Variants in DNAJC8 observed in about 807,000 individuals in gnomAD.
DNAJC8 encodes DnaJ heat shock protein family (Hsp40) member C8, also known as dnaJ homolog subfamily C member 8.
DNAJC8 carries 24 observed loss-of-function variants against 43.2 expected under a neutral mutation model. That is an observed-to-expected ratio of 0.56 (90% CI 0.40 to 0.78). DNAJC8 has a LOEUF of 0.78. Ranked by LOEUF, DNAJC8 falls within the 30% of genes least tolerant of loss-of-function variation. The pLI is 0.00. For synonymous variants in DNAJC8, 83 were observed against 98.0 expected (o/e 0.85, Z 0.90); for missense variants, 207 against 299.4 (o/e 0.69, Z 2.28).
intron 2 of DNAJC8, among the ~76,000 whole-genome samples, chr1:28,218,730 A>G (rs1158756911): frequency 1.3e-5 from 2 of 151,208 alleles, no homozygotes; most frequent in African/African-American, 4.9e-5. Context: ...ACATGGAGAA[A>G]CCCCGTCTCT....
chr1:28,215,091 T>C, intron 2 of DNAJC8, 95 bp from the exon 3 acceptor site: 1 of 999,064 alleles, frequency 1.0e-6, no homozygotes, highest in Non-Finnish European at 1.5e-6. Flanking sequence ...ATAATCAGCA[T>C]CTAGAATAGT....
intron 8 of DNAJC8, 59 bp downstream of exon 8, chr1:28,203,688 C>T (rs1646751342): frequency 3.2e-6 from 5 of 1,567,462 alleles, no homozygotes; most frequent in Non-Finnish European, 3.5e-6. Flanking sequence ...CTGGGAGCGC[C>T]ACAGGAACCA....
intron 1 of DNAJC8, among the ~76,000 whole-genome samples, chr1:28,229,905 TG>T (rs1646962574): frequency 6.6e-6 from 1 of 151,890 alleles, no homozygotes; most frequent in African/African-American, 2.4e-5. Flanking sequence ...AAACTGTTGA[TG>T]GGAAGGAACA....
rs746587765 is a variant in DNAJC8, at chr1:28,203,842, A to G, written c.564-20T>C. 1 of 1,612,054 alleles carries G rather than the reference A, an allele frequency of 6.2e-7. No individual in the cohort carries two copies. Among genetic ancestry groups the G allele is most frequent in the Admixed American group, 1.7e-5 (1 of 60,014 alleles). On this transcript the variant is annotated intron_variant, in intron 7 of 8. Coordinates refer to ENST00000263697, the MANE Select transcript of DNAJC8 (RefSeq NM_014280.3). ...CGTTTCCTAGGAGGAAAACCAGATC[A>G]TAGTATTTATATGATACTTACAGAC...
chr1:28,213,898 C>A (rs923842083), intron 3 of DNAJC8, among the ~76,000 whole-genome samples: 8 of 151,982 alleles, frequency 5.3e-5, no homozygotes, highest in Non-Finnish European at 1.0e-4. Flanking sequence ...CACCTGTAGT[C>A]CCAGCTACTG....
intron 8 of DNAJC8, 134 bp downstream of exon 8, chr1:28,203,613 C>T (rs532831838): frequency 1.2e-6 from 1 of 860,970 alleles, no homozygotes; most frequent in African/African-American, 1.7e-5. Context: ...CAGGCCCAGC[C>T]TCATTCTTCA....
At chr1:28,214,520 C>T (rs1646837775) in intron 3 of DNAJC8, among the ~76,000 whole-genome samples, 1 of 151,950 alleles carries the variant, frequency 6.6e-6, no homozygotes, top group South Asian at 2.1e-4. Context: ...GGCGACAAAG[C>T]AAGACTCTGT....
chr1:28,212,168 AATATAT>A lies in DNAJC8; in HGVS notation c.238-1537_238-1532del, dbSNP rs201782610. Among the ~76,000 whole-genome samples the A allele has an allele frequency of 4.6e-3, 143 of 30,976 alleles. 1 individual carries two copies. Among genetic ancestry groups the A allele is most frequent in the South Asian group, 0.023 (16 of 696 alleles). 20.3% of individuals were successfully genotyped at this position (30,976 alleles called of 152,430 possible). Reference sequence around the variant, plus strand: ...CGGACTCCGTCTCAATAAATAAATAAATATATATATATATATATATATATATATATA... The same window carrying A: ...CGGACTCCGTCTCAATAAATAAATAAATATATATATATATATATATATATA... On this transcript the variant is annotated intron_variant, in intron 3 of 8. Coordinates refer to ENST00000263697, the MANE Select transcript of DNAJC8 (RefSeq NM_014280.3).
chr1:28,206,905 C>A (rs796545139), intron 6 of DNAJC8, among the ~76,000 whole-genome samples: 3 of 152,246 alleles, frequency 2.0e-5, no homozygotes, highest in African/African-American at 7.2e-5. Flanking sequence ...CAACCCCAGT[C>A]CCTAATAAAG....
At chr1:28,216,794 A>C (rs1352090310) in intron 2 of DNAJC8, among the ~76,000 whole-genome samples, 1 of 150,140 alleles carries the variant, frequency 6.7e-6, no homozygotes, top group Non-Finnish European at 1.5e-5. Context: ...TTTTTTGTGA[A>C]GGTGGGGCGA....
At chr1:28,216,866 T>C (rs1368869013) in intron 2 of DNAJC8, among the ~76,000 whole-genome samples, 1 of 149,268 alleles carries the variant, frequency 6.7e-6, no homozygotes, top group African/African-American at 2.5e-5. Context: ...TGGAGTGCAA[T>C]GGTGTGATCT....
Position 28,200,708 on chromosome 1 carries a change from C to G in DNAJC8, c.*540G>C. On this transcript the variant is annotated 3_prime_UTR_variant, in exon 9 of 9. Coordinates refer to ENST00000263697, the MANE Select transcript of DNAJC8 (RefSeq NM_014280.3). ...CATGCCACACTGATTGGTCAGTAGA[C>G]AGGGGGCACATGCCAAACACCACAG... 1 of 454,372 alleles carries G rather than the reference C, an allele frequency of 2.2e-6. No homozygotes were observed. The highest frequency in any genetic ancestry group is 4.4e-6 in the Non-Finnish European group (1 of 226,700). The allele number at this position is 454,372 out of a possible 1,614,324, so 28.1% of individuals were successfully genotyped here. A position where few individuals can be genotyped will look rare whatever the true frequency, so the allele number is the denominator to read the frequency against.
intron 5 of DNAJC8, chr1:28,208,767 A>G (rs1646788500): frequency 6.3e-6 from 1 of 159,644 alleles, no homozygotes; most frequent in Non-Finnish European, 1.4e-5. Flanking sequence ...AGCAAAGCAA[A>G]TATATCTGTC....
At chr1:28,221,484 G>A (rs894328809) in intron 2 of DNAJC8, among the ~76,000 whole-genome samples, 2 of 152,050 alleles carry the variant, frequency 1.3e-5, no homozygotes, top group Non-Finnish European at 2.9e-5. Context: ...GAGAACAAAG[G>A]CTACAGGGCA....
chr1:28,215,018 C>T (rs767790623), intron 2 of DNAJC8, 22 bp from the exon 3 acceptor site: 1 of 1,587,536 alleles, frequency 6.3e-7, no homozygotes, highest in South Asian at 1.2e-5. Flanking sequence ...AAAATCAAAA[C>T]CATAAAAAAG....
At chr1:28,204,036 A>G (rs1646753840) in intron 7 of DNAJC8, among the ~76,000 whole-genome samples, 1 of 152,228 alleles carries the variant, frequency 6.6e-6, no homozygotes, top group African/African-American at 2.4e-5. Flanking sequence ...GGGGAAAGAC[A>G]TAAATATCCT....
chr1:28,203,564 C>T (rs1646750497), intron 8 of DNAJC8, among the ~76,000 whole-genome samples, 183 bp downstream of exon 8: 1 of 152,142 alleles, frequency 6.6e-6, no homozygotes, highest in Non-Finnish European at 1.5e-5. Flanking sequence ...GGATCCTCAT[C>T]GTCCTTGCCA....
At chr1:28,220,699 T>A (rs375329878) in intron 2 of DNAJC8, among the ~76,000 whole-genome samples, 2 of 152,150 alleles carry the variant, frequency 1.3e-5, no homozygotes, top group South Asian at 2.1e-4. Flanking sequence ...ACACATGAAT[T>A]TGGGGGACAC....
chr1:28,229,024 C>T lies in DNAJC8; in HGVS notation c.79-1G>A, dbSNP rs546524602. ...AGTCTCTCTTCTCTATTTGTTTCAC[C>T]TAAAATTATGAGGATTAAAAACTTC... On this transcript the variant is annotated splice_acceptor_variant, in intron 1 of 8. Coordinates refer to ENST00000263697, the MANE Select transcript of DNAJC8 (RefSeq NM_014280.3). LOFTEE classifies it high-confidence loss of function. 6.2e-7 allele frequency: 1 copy of T among 1,611,690 alleles called. No homozygotes were observed. Among genetic ancestry groups the T allele is most frequent in the Non-Finnish European group, 8.5e-7 (1 of 1,178,620 alleles).
Sources: allele counts gnomAD v4.1 joint callset (sites outside exome capture counted in the v4.1 genomes callset), GRCh38; gene constraint gnomAD v4.1.1; transcripts MANE v1.5; gene names NCBI Gene and HGNC (gene_info 2026-07-23, HGNC 2026-07-21).